The following EFHD1 variants were observed in gnomAD, a reference collection of about 807,000 sequenced individuals.
EFHD1 encodes EF-hand domain family member D1, also known as EF-hand domain-containing protein D1.
A neutral mutation model predicts 17.2 loss-of-function variants in EFHD1; 10 were observed. The observed-to-expected ratio is 0.58, with a 90% confidence interval of 0.36 to 0.99. The LOEUF is 0.99. Ranked by LOEUF, EFHD1 falls within the 50% of genes least tolerant of loss-of-function variation. EFHD1 has a pLI of 0.01. For synonymous variants in EFHD1, 153 were observed against 142.0 expected (o/e 1.08, Z -0.55); for missense variants, 310 against 327.5 (o/e 0.95, Z 0.41).
intron 2 of EFHD1, among the ~76,000 whole-genome samples, chr2:232,664,467 T>A (rs1001559391): frequency 6.6e-6 from 1 of 151,862 alleles, no homozygotes; most frequent in Admixed American, 6.6e-5. Context: ...TAAAAAAAAT[T>A]TTGTGGTTGT....
upstream of EFHD1, among the ~76,000 whole-genome samples, chr2:232,632,400 T>C (rs1694219798): frequency 6.6e-6 from 1 of 152,196 alleles, no homozygotes; most frequent in Non-Finnish European, 1.5e-5. Context: ...GTCACTGACC[T>C]GCCCCAGTCA....
chr2:232,631,463 T>G (rs149551328), upstream of EFHD1, among the ~76,000 whole-genome samples: 1 of 151,440 alleles, frequency 6.6e-6, no homozygotes, highest in Non-Finnish European at 1.5e-5. Context: ...TGTTTTTTAT[T>G]TTATTTTTAT....
chr2:232,653,973 G>A (rs1436011412), intron 1 of EFHD1, among the ~76,000 whole-genome samples: 4 of 152,036 alleles, frequency 2.6e-5, no homozygotes, highest in South Asian at 2.1e-4. Flanking sequence ...TTGGGAGACC[G>A]AGGCAGGCAG....
At chr2:232,606,666 C>T (rs988008832) in intron 1 of EFHD1, 6 of 159,396 alleles carry the variant, frequency 3.8e-5, no homozygotes, top group East Asian at 3.3e-4. Context: ...GCGGGCGGAT[C>T]ACAAGGTCAG....
At chr2:232,679,537 C>G (rs997023338) in intron 3 of EFHD1, among the ~76,000 whole-genome samples, 10 of 151,028 alleles carry the variant, frequency 6.6e-5, no homozygotes, top group African/African-American at 2.4e-4. Flanking sequence ...CAACATAGAG[C>G]AACCCCATCT....
At chr2:232,662,700 G>T in intron 1 of EFHD1, 102 bp from the exon 2 acceptor site, 1 of 1,493,746 alleles carries the variant, frequency 6.7e-7, no homozygotes, top group East Asian at 2.5e-5. Context: ...AGAGCGGGAG[G>T]TATTTGAGTC....
At position 232,654,568 on chromosome 2, in the gene EFHD1, G is replaced by A. The variant is rs574622664; in HGVS notation, c.303-8234G>A. On this transcript the variant is annotated intron_variant, in intron 1 of 3. Transcript: ENST00000264059. ...CCTGAGTAGCTGGGATTACAGGTGT[G>A]GGTATCCGCCACCCCACCAGGCTAG... 2.6e-5 allele frequency among the ~76,000 whole-genome samples: 4 copies of A among 151,798 alleles called. No homozygotes were observed. In the South Asian group the frequency reaches 8.3e-4, roughly 32 times the overall value.
In EFHD1 at chr2:232,646,391, C is replaced by T. The variant is rs114800517; in HGVS notation, c.302+12385C>T. Among the ~76,000 whole-genome samples the T allele has an allele frequency of 3.1e-3, 465 of 149,946 alleles. 1 individual carries two copies. Among genetic ancestry groups the T allele is most frequent in the African/African-American group, 0.01 (424 of 40,934 alleles). The stretch of plus-strand genomic sequence containing the variant: ...CCAGTTGATTACACTTAGGTCTGTC[C>T]GTTGTCTGTTATTGCTGATTCTCTC... On this transcript the variant is annotated intron_variant, in intron 1 of 3. Coordinates refer to ENST00000264059, the MANE Select transcript of EFHD1 (RefSeq NM_025202.4).
chr2:232,648,029 C>T (rs548323632), intron 1 of EFHD1, among the ~76,000 whole-genome samples: 34 of 152,260 alleles, frequency 2.2e-4, no homozygotes, highest in African/African-American at 8.2e-4. Flanking sequence ...TGCTTGAGTA[C>T]AGGAGTTCAA....
At chr2:232,660,166 T>C (rs1179048734) in intron 1 of EFHD1, among the ~76,000 whole-genome samples, 1 of 138,598 alleles carries the variant, frequency 7.2e-6, no homozygotes, top group Non-Finnish European at 1.6e-5. Flanking sequence ...AAATTTGTGT[T>C]ATTTATTTAT....
At chr2:232,617,918 C>T (rs1307358462) in intron 1 of EFHD1, among the ~76,000 whole-genome samples, 1 of 149,776 alleles carries the variant, frequency 6.7e-6, no homozygotes, top group Non-Finnish European at 1.5e-5. Flanking sequence ...CACGGCACTC[C>T]AGCCTGGGTG....
At chr2:232,651,971 G>A (rs1694663064) in intron 1 of EFHD1, among the ~76,000 whole-genome samples, 1 of 152,196 alleles carries the variant, frequency 6.6e-6, no homozygotes, top group South Asian at 2.1e-4. Context: ...GCCTGGGGCA[G>A]AGCTGCGGGT....
upstream of EFHD1, among the ~76,000 whole-genome samples, chr2:232,631,698 A>AC (rs1553596991): frequency 6.7e-6 from 1 of 148,248 alleles, no homozygotes; most frequent in Non-Finnish European, 1.5e-5. Context: ...CATTAAAAAA[A>AC]AAAAAAAACA....
Position 232,662,794 on chromosome 2 carries a change from C to T in EFHD1, c.303-8C>T. On this transcript the variant is annotated splice_region_variant and splice_polypyrimidine_tract_variant and intron_variant, in intron 1 of 3. Coordinates refer to ENST00000264059, the MANE Select transcript of EFHD1 (RefSeq NM_025202.4). ...TCATCCCGGTCATGCATTCCTTTGACCCTGCAGGTATGACGCTGGGCGGGA... is the reference window on the plus strand; with the variant it reads ...TCATCCCGGTCATGCATTCCTTTGATCCTGCAGGTATGACGCTGGGCGGGA... 1 of 1,563,388 alleles carries T rather than the reference C, an allele frequency of 6.4e-7. No homozygotes were observed. The highest frequency in any genetic ancestry group is 8.6e-7 in the Non-Finnish European group (1 of 1,160,710).
At chr2:232,663,096 T>G in intron 2 of EFHD1, 147 bp downstream of exon 2, 7 of 947,188 alleles carry the variant, frequency 7.4e-6, no homozygotes, top group Non-Finnish European at 1.0e-5. Flanking sequence ...AAAATACCTT[T>G]TAGGTGACAG....
intron 1 of EFHD1, among the ~76,000 whole-genome samples, chr2:232,637,026 C>T (rs1266285042): frequency 3.3e-5 from 5 of 152,090 alleles, no homozygotes; most frequent in Non-Finnish European, 1.5e-5. Context: ...GTTAGCTCCT[C>T]TGCTGCTGGG....
chr2:232,621,129 C>T (rs1490690506), intron 1 of EFHD1, among the ~76,000 whole-genome samples: 5 of 152,216 alleles, frequency 3.3e-5, no homozygotes, highest in African/African-American at 1.2e-4. Flanking sequence ...TTCCAAACCA[C>T]CCTGACTGCT....
intron 1 of EFHD1, among the ~76,000 whole-genome samples, chr2:232,650,487 T>A (rs149983967): frequency 5.1e-4 from 72 of 141,638 alleles, no homozygotes; most frequent in Non-Finnish European, 5.1e-4. Flanking sequence ...AGAGACAGGG[T>A]TTCACCATGT....
At chr2:232,659,020 C>T (rs999142387) in intron 1 of EFHD1, among the ~76,000 whole-genome samples, 5 of 152,092 alleles carry the variant, frequency 3.3e-5, no homozygotes, top group African/African-American at 1.2e-4. Context: ...GCTCACAAAC[C>T]GTCCTCTGGC....
Sources: gnomAD v4.1 joint callset for allele counts (sites outside exome capture counted in the v4.1 genomes callset) on GRCh38, gnomAD v4.1.1 for gene constraint, MANE v1.5 for transcripts, NCBI Gene and HGNC (gene_info 2026-07-23, HGNC 2026-07-21) for gene names.